Variants in NUP62CL observed in about 807,000 individuals in gnomAD.
The protein encoded by NUP62CL is nucleoporin-62 C-terminal-like protein.
Under a neutral mutation model 15.3 loss-of-function variants are expected in NUP62CL, and 13 were observed. That is an observed-to-expected ratio of 0.85 (90% CI 0.55 to 1.35). The LOEUF is 1.35. Ranked by LOEUF, NUP62CL falls within the 40% of genes most tolerant of loss-of-function variation. The pLI, the probability that NUP62CL is intolerant of heterozygous loss-of-function variation, is 0.00. For synonymous variants in NUP62CL, 54 were observed against 49.2 expected (o/e 1.10, Z -0.41); for missense variants, 123 against 130.6 (o/e 0.94, Z 0.28).
At chrX:107,161,904 C>G (rs1486686270) in intron 4 of NUP62CL, among the ~76,000 whole-genome samples, 1 of 100,983 alleles carries the variant, frequency 9.9e-6, no homozygotes, top group Non-Finnish European at 2.0e-5. Context: ...CAGATGCCAA[C>G]ACTGAGAGGT....
intron 8 of NUP62CL, among the ~76,000 whole-genome samples, chrX:107,126,094 T>A (rs1682036): frequency 0.37 from 40,913 of 111,057 alleles, 8,126 homozygotes; most frequent in African/African-American, 0.77. Context: ...AAATAATTGT[T>A]CTAAACAATA....
chrX:107,176,882 TA>T (rs1335230149), intron 2 of NUP62CL, among the ~76,000 whole-genome samples: 3 of 111,291 alleles, frequency 2.7e-5, no homozygotes, highest in Admixed American at 9.6e-5. Flanking sequence ...GGAGAAAGAC[TA>T]AATACTTTCC....
At chrX:107,180,336 T>C (rs1038449062) in intron 2 of NUP62CL, among the ~76,000 whole-genome samples, 4 of 111,838 alleles carry the variant, frequency 3.6e-5, no homozygotes, top group Non-Finnish European at 7.5e-5. Flanking sequence ...TAAAATGACA[T>C]GTAAAATGAT....
rs1021473383 is a variant in NUP62CL at position 107,167,596 on chromosome X, G to A, written c.194+53C>T. On this transcript the variant is annotated intron_variant, in intron 4 of 8. Coordinates refer to ENST00000372466, the MANE Select transcript of NUP62CL (RefSeq NM_017681.3). ...CTAAAGTTATCCAAGCAAATGTCTT[G>A]TACATGATAAATAAAATGAAACACA... is the stretch of plus-strand genomic sequence containing the variant. The A allele has an allele frequency of 3.3e-6, 3 of 922,804 alleles. No individual in the cohort carries two copies. In the African/African-American group the frequency reaches 5.9e-5, roughly 18 times the overall value. 76.0% of individuals were successfully genotyped at this position (922,804 alleles called of 1,213,427 possible).
At chrX:107,167,529 G>GTT in intron 4 of NUP62CL, 120 bp downstream of exon 4, 1 of 485,537 alleles carries the variant, frequency 2.1e-6, no homozygotes, top group Non-Finnish European at 3.3e-6. Context: ...TCTCTTGACT[G>GTT]TTCCCTCAAC....
intron 8 of NUP62CL, chrX:107,132,316 T>G (rs778225807): frequency 2.9e-5 from 22 of 763,014 alleles, no homozygotes; most frequent in Non-Finnish European, 4.1e-5. Flanking sequence ...TGTCAAGAAC[T>G]TTTTAGAGTT....
chrX:107,188,115 C>T (rs1927113547), intron 2 of NUP62CL, among the ~76,000 whole-genome samples: 1 of 112,057 alleles, frequency 8.9e-6, no homozygotes, highest in Admixed American at 9.5e-5. Context: ...TTTTATGAAG[C>T]TAGTATTACT....
At chrX:107,134,153 T>C (rs1232703518) in intron 8 of NUP62CL, among the ~76,000 whole-genome samples, 1 of 112,073 alleles carries the variant, frequency 8.9e-6, no homozygotes, top group African/African-American at 3.2e-5. Context: ...AGATGTAATT[T>C]TGCTCCTTTC....
chrX:107,181,890 T>C (rs1352766404), intron 2 of NUP62CL, among the ~76,000 whole-genome samples: 1 of 112,343 alleles, frequency 8.9e-6, no homozygotes, highest in Non-Finnish European at 1.9e-5. Context: ...TTCTCCATTA[T>C]ATTTCCCAAC....
chrX:107,163,402 C>A (rs1417942723), intron 4 of NUP62CL, among the ~76,000 whole-genome samples: 2 of 110,368 alleles, frequency 1.8e-5, no homozygotes, highest in Non-Finnish European at 3.8e-5. Context: ...AGATGAAACC[C>A]CCCCAAAATA....
At chrX:107,161,936 A>T (rs1216198028) in intron 4 of NUP62CL, among the ~76,000 whole-genome samples, 1 of 108,073 alleles carries the variant, frequency 9.3e-6, no homozygotes, top group East Asian at 2.9e-4. Flanking sequence ...GAATTATCTG[A>T]AAATAATTTT....
intron 8 of NUP62CL, among the ~76,000 whole-genome samples, chrX:107,138,710 G>T (rs1021275105): frequency 2.7e-5 from 3 of 111,978 alleles, no homozygotes; most frequent in Non-Finnish European, 3.8e-5. Flanking sequence ...ACTGCTGGGG[G>T]ATACATAAAA....
At chrX:107,129,939 CACA>C (rs1447167184) in intron 8 of NUP62CL, among the ~76,000 whole-genome samples, 4 of 111,436 alleles carry the variant, frequency 3.6e-5, no homozygotes, top group African/African-American at 1.3e-4. Context: ...CATAAAACAA[CACA>C]ACATCTCTTG....
intron 4 of NUP62CL, among the ~76,000 whole-genome samples, chrX:107,162,202 C>T (rs1294280844): frequency 1.8e-5 from 2 of 109,934 alleles, no homozygotes; most frequent in African/African-American, 3.3e-5. Flanking sequence ...AAAAACTTCG[C>T]AGAAACAAAT....
At chrX:107,199,462 A>C (rs1449950370) in intron 1 of NUP62CL, among the ~76,000 whole-genome samples, 1 of 112,434 alleles carries the variant, frequency 8.9e-6, no homozygotes, top group African/African-American at 3.2e-5. Flanking sequence ...TGATTTTGAG[A>C]GTAATCATTC....
At chrX:107,200,605 C>T (rs1454798047) in intron 1 of NUP62CL, among the ~76,000 whole-genome samples, 12 of 99,889 alleles carry the variant, frequency 1.2e-4, no homozygotes, top group African/African-American at 3.0e-4. Context: ...GGCAACAGAG[C>T]GAGATTCCGT....
At chrX:107,133,175 C>A (rs1025761722) in intron 8 of NUP62CL, among the ~76,000 whole-genome samples, 7 of 111,309 alleles carry the variant, frequency 6.3e-5, no homozygotes, top group African/African-American at 2.0e-4. Flanking sequence ...TCAGAGCCTG[C>A]AATAGTGGGT....
intron 1 of NUP62CL, among the ~76,000 whole-genome samples, chrX:107,201,727 A>G (rs1333855794): frequency 2.7e-5 from 3 of 110,112 alleles, no homozygotes; most frequent in Non-Finnish European, 5.7e-5. Flanking sequence ...CAGGAGTTCA[A>G]GAACGGCCTG....
intron 2 of NUP62CL, among the ~76,000 whole-genome samples, chrX:107,182,465 T>C (rs1926941847): frequency 8.9e-6 from 1 of 112,218 alleles, no homozygotes; most frequent in African/African-American, 3.2e-5. Flanking sequence ...CCTTAATTCC[T>C]TTACGTTTAA....
Sources: allele counts gnomAD v4.1 joint callset (sites outside exome capture counted in the v4.1 genomes callset), GRCh38; gene constraint gnomAD v4.1.1; transcripts MANE v1.5; gene names NCBI Gene and HGNC (gene_info 2026-07-23, HGNC 2026-07-21).